ADGRL2: variants seen among roughly 807,000 people sequenced by gnomAD.
The protein encoded by ADGRL2 is adhesion G protein-coupled receptor L2.
In ADGRL2, 44 loss-of-function variants were observed where a neutral mutation model predicts 157.4. The ratio of observed to expected loss-of-function variants is 0.28; its 90% confidence interval spans 0.22 to 0.36. ADGRL2 has a LOEUF of 0.36. ADGRL2 is among the 10% of genes least tolerant of loss of function. The pLI is 1.00. For synonymous variants in ADGRL2, 585 were observed against 624.7 expected, an observed-to-expected ratio of 0.94 and a Z score of 0.95; for missense variants, 1,510 against 1,768.9, an observed-to-expected ratio of 0.85 and a Z score of 2.63.
chr1:81,867,501 A>G (rs1465702157), intron 2 of ADGRL2, among the ~76,000 whole-genome samples: 2 of 152,216 alleles, frequency 1.3e-5, no homozygotes, highest in Non-Finnish European at 2.9e-5. Context: ...GAGAGAAAAA[A>G]CAATATTGAA....
At position 81,943,713 on chromosome 1, in the gene ADGRL2, A is replaced by T. The variant is rs1475499522; in HGVS notation, c.1154A>T (p.Asn385Ile). 6.2e-7 allele frequency: 1 copy of T among 1,613,530 alleles called. No individual in the cohort carries two copies. The highest frequency in any genetic ancestry group is 8.5e-7 in the Non-Finnish European group (1 of 1,179,658). Reference protein sequence around the residue: ...NPRDNQLYVWNNNFILRYSLE... With the variant: ...NPRDNQLYVWINNFILRYSLE... ...AGAGATAACCAACTTTACGTGTGGA[A>T]CAATAACTTCATTTTACGATATTCT... The change falls in exon 6 of 24, where the codon AAC becomes ATC. Residue 385 changes from asparagine to isoleucine, a missense_variant. Around this residue, in one of 4 missense-constraint regions of ADGRL2, gnomAD observed 361 missense variants for 498.4 expected, o/e 0.72. Transcript: ENST00000686636. The surrounding 1 kb of genome is among the most constrained non-coding windows in gnomAD (Gnocchi z 5.6).
chr1:81,918,774 TA>T (rs1218613999), intron 3 of ADGRL2, among the ~76,000 whole-genome samples: 2 of 152,198 alleles, frequency 1.3e-5, no homozygotes, highest in Admixed American at 6.6e-5. Flanking sequence ...ACTATGTCGC[TA>T]AAAATATTGA....
chr1:81,597,834 A>G (rs763084305), intron 3 of ADGRL2, among the ~76,000 whole-genome samples: 2 of 152,210 alleles, frequency 1.3e-5, no homozygotes, highest in Admixed American at 6.5e-5. Flanking sequence ...ATCCCCAGAA[A>G]CATTGATAGG....
chr1:81,822,097 T>C (rs1014685849), intron 1 of ADGRL2, among the ~76,000 whole-genome samples: 2 of 151,192 alleles, frequency 1.3e-5, no homozygotes, highest in Non-Finnish European at 2.9e-5. Context: ...GTTTTTCGTA[T>C]AGAGGTGAGA....
intron 2 of ADGRL2, among the ~76,000 whole-genome samples, chr1:81,494,911 G>T (rs142736392): frequency 1.5e-3 from 222 of 152,222 alleles, no homozygotes; most frequent in African/African-American, 4.9e-3. Flanking sequence ...ATTCGCCCAT[G>T]TAAACCTTGA....
At position 81,415,539 on chromosome 1, in the gene ADGRL2, A is replaced by G. The variant is rs188403325; in HGVS notation, c.-301-29497A>G. 4.4e-3 allele frequency among the ~76,000 whole-genome samples: 675 copies of G among 152,350 alleles called. 7 individuals carry two copies. The highest frequency in any genetic ancestry group is 6.8e-3 in the Middle Eastern group (2 of 294). On this transcript the variant is annotated intron_variant, in intron 1 of 24. Coordinates refer to the ADGRL2 transcript ENST00000370721. ...GGAAAGGGAGATACCACTGCAGTTC[A>G]TAATGATGGTTGGTAAAGAGTTGAG...
intron 2 of ADGRL2, among the ~76,000 whole-genome samples, chr1:81,546,389 A>G (rs1455829443): frequency 2.0e-5 from 3 of 152,182 alleles, no homozygotes; most frequent in Non-Finnish European, 4.4e-5. Context: ...AGGTTTCTCA[A>G]TTAGATAGTT....
chr1:81,604,845 G>A lies in ADGRL2; in HGVS notation c.-143+23865G>A, dbSNP rs186097395. Among the ~76,000 whole-genome samples, 243 of 152,164 alleles carry A rather than the reference G, an allele frequency of 1.6e-3. 3 individuals are homozygous for A. Among genetic ancestry groups the A allele is most frequent in the Admixed American group, 0.015 (224 of 15,280 alleles). On this transcript the variant is annotated intron_variant, in intron 3 of 24. Coordinates refer to the ADGRL2 transcript ENST00000370721. ...AGAGGGGAAAGAGAGGATAGATAAT[G>A]AAAAAGTACCCCTGTTCTAAACCAC... is the stretch of plus-strand genomic sequence containing the variant.
chr1:81,546,492 CATA>C (rs1369527241), intron 2 of ADGRL2, among the ~76,000 whole-genome samples: 3 of 152,148 alleles, frequency 2.0e-5, no homozygotes, highest in African/African-American at 7.2e-5. Flanking sequence ...ACAGATATAG[CATA>C]ATAATAATGA....
chr1:81,805,822 A>C (rs2089052880), intron 1 of ADGRL2, among the ~76,000 whole-genome samples: 1 of 152,066 alleles, frequency 6.6e-6, no homozygotes, highest in African/African-American at 2.4e-5. Flanking sequence ...AGTGTTATAA[A>C]GAAAACAACA....
intron 1 of ADGRL2, among the ~76,000 whole-genome samples, chr1:81,404,221 G>T (rs568048407): frequency 6.6e-6 from 1 of 152,114 alleles, no homozygotes; most frequent in African/African-American, 2.4e-5. Context: ...CCCCCTTGCC[G>T]CCATCTACTA....
intron 22 of ADGRL2, among the ~76,000 whole-genome samples, chr1:81,987,614 A>G (rs947148263): frequency 2.6e-5 from 4 of 151,684 alleles, no homozygotes; most frequent in African/African-American, 9.7e-5. Context: ...ACCCATCCAT[A>G]TATTACTATG....
chr1:81,832,477 T>A (rs1290695518), intron 1 of ADGRL2, among the ~76,000 whole-genome samples: 2 of 152,192 alleles, frequency 1.3e-5, no homozygotes, highest in African/African-American at 2.4e-5. Flanking sequence ...CTCAGGCAGT[T>A]TTTTTGAATT....
intron 3 of ADGRL2, among the ~76,000 whole-genome samples, chr1:81,932,611 T>G (rs764129453): frequency 1.2e-4 from 19 of 152,328 alleles, no homozygotes; most frequent in Middle Eastern, 3.4e-3. Flanking sequence ...CCTGCAACAC[T>G]TGTTAAATCT....
At chr1:81,323,971 G>A (rs767020941) in intron 1 of ADGRL2, among the ~76,000 whole-genome samples, 12 of 152,202 alleles carry the variant, frequency 7.9e-5, no homozygotes, top group East Asian at 7.7e-4. Flanking sequence ...TTGAAGCTAC[G>A]TTCAGGCTAG....
intron 1 of ADGRL2, among the ~76,000 whole-genome samples, chr1:81,412,667 T>TACAAA (rs1211323990): frequency 1.3e-5 from 2 of 152,244 alleles, no homozygotes; most frequent in Non-Finnish European, 2.9e-5. Context: ...ACGTTGGATT[T>TACAAA]ACAAGAGGAT....
upstream of ADGRL2, among the ~76,000 whole-genome samples, chr1:81,695,635 A>G (rs1358726922): frequency 3.3e-5 from 5 of 152,102 alleles, no homozygotes; most frequent in Admixed American, 3.3e-4. Context: ...AGCCTGGCCA[A>G]TATGGTGAAA....
chr1:81,712,754 GATT>G (rs2083973432), intron 1 of ADGRL2, among the ~76,000 whole-genome samples: 1 of 129,692 alleles, frequency 7.7e-6, no homozygotes, highest in South Asian at 2.5e-4. Context: ...CTGGATCGCG[GATT>G]TTTTTTTTTT....
intron 1 of ADGRL2, among the ~76,000 whole-genome samples, chr1:81,708,294 C>T (rs2149064854): frequency 6.6e-6 from 1 of 152,282 alleles, no homozygotes; most frequent in South Asian, 2.1e-4. Context: ...TATATTTATG[C>T]AAACATAACT....
Sources: gnomAD v4.1 joint callset for allele counts (sites outside exome capture counted in the v4.1 genomes callset) on GRCh38, gnomAD v4.1.1 for gene constraint, gnomAD v4.1.1 regional missense constraint, Gnocchi (gnomAD v3.1) non-coding constraint, MANE v1.5 for transcripts, NCBI Gene and HGNC (gene_info 2026-07-23, HGNC 2026-07-21) for gene names.